The following ATG13 variants were observed in gnomAD, a reference collection of about 807,000 sequenced individuals.
ATG13 encodes the protein autophagy-related protein 13.
A neutral mutation model predicts 65.5 loss-of-function variants in ATG13; 23 were observed. The observed-to-expected ratio is 0.35, with a 90% CI of 0.25 to 0.50. The LOEUF (loss-of-function observed/expected upper bound fraction) is 0.50. Ranked by LOEUF, ATG13 falls within the 20% of genes least tolerant of loss-of-function variation. The pLI is 0.98. For missense variants in ATG13, 566 were observed against 677.0 expected (o/e 0.84, Z 1.82); for synonymous variants, 252 against 245.2 (o/e 1.03, Z -0.26).
At position 46,674,444 on chromosome 11, in the gene ATG13, A is replaced by T. The variant is rs1314812040; in HGVS notation, c.*2112A>T. 1 of 151,466 alleles carries T rather than the reference A, an allele frequency of 6.6e-6. No homozygotes were observed. Among genetic ancestry groups the T allele is most frequent in the Non-Finnish European group, 1.5e-5 (1 of 67,872 alleles). The allele number at this position is 151,466 out of a possible 1,614,324, so 9.4% of individuals were successfully genotyped here. A position where few individuals can be genotyped will look rare whatever the true frequency, so the allele number is the denominator to read the frequency against. ...CCTCCTCCTCCAACCTCTCCAACCTACTTTGTTTGGAAATACCGAGCTACA... is the reference window on the plus strand; with the variant it reads ...CCTCCTCCTCCAACCTCTCCAACCTTCTTTGTTTGGAAATACCGAGCTACA... On this transcript the variant is annotated 3_prime_UTR_variant, in exon 19 of 19. Transcript: ENST00000683050.
intron 1 of ATG13, among the ~76,000 whole-genome samples, chr11:46,626,654 G>A (rs371239835): frequency 6.6e-6 from 1 of 152,164 alleles, no homozygotes; most frequent in South Asian, 2.1e-4. Context: ...AGTAACCTGT[G>A]TTCCCATAGA....
intron 1 of ATG13, among the ~76,000 whole-genome samples, chr11:46,627,298 G>T (rs1182543515): frequency 6.6e-6 from 1 of 152,016 alleles, no homozygotes; most frequent in Non-Finnish European, 1.5e-5. Flanking sequence ...AGAATCACTT[G>T]AACTTGGGAG....
At chr11:46,640,779 A>C (rs940015165) in intron 2 of ATG13, among the ~76,000 whole-genome samples, 2 of 152,256 alleles carry the variant, frequency 1.3e-5, no homozygotes, top group African/African-American at 4.8e-5. Flanking sequence ...ACTACCAGAT[A>C]CTACTATCTT....
At chr11:46,658,247 A>G (rs1353956758) in intron 10 of ATG13, among the ~76,000 whole-genome samples, 1 of 152,222 alleles carries the variant, frequency 6.6e-6, no homozygotes, top group Non-Finnish European at 1.5e-5. Context: ...GGGTTAGACT[A>G]GATGTATATC....
Position 46,659,389 on chromosome 11 carries a change from T to G in ATG13, c.696-3T>G, listed in dbSNP as rs781274293. 5 of 1,609,190 alleles carry G rather than the reference T, an allele frequency of 3.1e-6. No homozygotes were observed. The highest frequency in any genetic ancestry group is 3.4e-6 in the Non-Finnish European group (4 of 1,175,718). On this transcript the variant is annotated splice_polypyrimidine_tract_variant and splice_region_variant and intron_variant, in intron 10 of 18. Transcript: ENST00000683050. ...ATTCATTATTTCTTTCTTTTCACTT[T>G]AGAACTGCTGGTGAGGACACTGGAG...
At chr11:46,669,631 T>C (rs1024223980) in intron 18 of ATG13, 99 bp downstream of exon 18, 7 of 1,351,692 alleles carry the variant, frequency 5.2e-6, no homozygotes, top group Non-Finnish European at 7.2e-6. Flanking sequence ...TTCCCTGTAA[T>C]AGGAAAGAGA....
intron 8 of ATG13, 134 bp downstream of exon 8, chr11:46,656,407 ATGCAGGTAGGTGGTCC>A: frequency 1.1e-6 from 1 of 949,848 alleles, no homozygotes; most frequent in Non-Finnish European, 1.5e-6. Flanking sequence ...AAAGATGAGA[ATGCAGGTAGGTGGTCC>A]AGGTTACCCC....
intron 2 of ATG13, among the ~76,000 whole-genome samples, chr11:46,637,043 A>G (rs181118747): frequency 5.0e-4 from 76 of 152,262 alleles, no homozygotes; most frequent in Middle Eastern, 3.4e-3. Flanking sequence ...AAAGAATTCT[A>G]CAAACTGCAG....
chr11:46,666,605 T>C (rs1276937492), intron 14 of ATG13, among the ~76,000 whole-genome samples: 1 of 152,238 alleles, frequency 6.6e-6, no homozygotes, highest in Non-Finnish European at 1.5e-5. Context: ...GTTACCTGCT[T>C]ATTTAAAGAC....
At chr11:46,623,111 A>G (rs1168445697) in intron 1 of ATG13, among the ~76,000 whole-genome samples, 1 of 151,294 alleles carries the variant, frequency 6.6e-6, no homozygotes, top group Non-Finnish European at 1.5e-5. Flanking sequence ...ACACGGTGAA[A>G]CCCTGTCTCT....
rs373065063 is a variant in ATG13 at position 46,672,257 on chromosome 11, C to T, written c.1578C>T (p.Asp526=). The stretch of plus-strand genomic sequence containing the variant: ...TCTTCCCTCTCTTTCCGGTACAGGA[C>T]TCATTACCAGAGAAGCTGGCTGTGC... ...IGAQSMAEDL[D]SLPEKLAVHE... Residue 526 remains aspartate (D), a splice_region_variant and synonymous_variant, in exon 19 of 19, where the codon GAC becomes GAT. Transcript: ENST00000683050. 5.6e-6 allele frequency: 9 copies of T among 1,614,236 alleles called. No individual in the cohort carries two copies. The African/African-American group carries it at 6.7e-5, about 12-fold the overall frequency.
chr11:46,625,992 G>T (rs1313707786), intron 1 of ATG13, among the ~76,000 whole-genome samples: 2 of 152,112 alleles, frequency 1.3e-5, no homozygotes, highest in Admixed American at 6.6e-5. Flanking sequence ...GACGGAGTCT[G>T]TCGCCCAGGC....
At chr11:46,664,241 C>A in intron 12 of ATG13, 146 bp downstream of exon 12, 1 of 636,396 alleles carries the variant, frequency 1.6e-6, no homozygotes, top group Non-Finnish European at 2.6e-6. Context: ...TTTAATAGGA[C>A]ACAGCCACGG....
chr11:46,657,180 C>G lies in ATG13; in HGVS notation c.585C>G (p.Phe195Leu). ...GTGCTTACAGAATTAACTTGGCATT[C>G]ATGTCTACCAGGTGAGGAAGAGCCC... ...LSCAYRINLA[F>L]MSTRQFERTP... The change falls in exon 9 of 19, where the codon TTC becomes TTG. Residue 195 changes from phenylalanine (F) to leucine (L), a missense_variant. Physicochemically the swap from Phe to Leu is conservative, Grantham distance 22 (BLOSUM62 0). Around this residue, in one of 2 missense-constraint regions of ATG13, gnomAD observed 179 missense variants for 267.2 expected, o/e 0.67. Transcript: ENST00000683050. 1 of 1,613,336 alleles carries G rather than the reference C, an allele frequency of 6.2e-7. No individual in the cohort carries two copies. Among genetic ancestry groups the G allele is most frequent in the Non-Finnish European group, 8.5e-7 (1 of 1,179,384 alleles).
intron 12 of ATG13, among the ~76,000 whole-genome samples, chr11:46,664,505 G>C (rs993448496): frequency 2.0e-5 from 3 of 152,138 alleles, no homozygotes; most frequent in Admixed American, 1.3e-4. Flanking sequence ...TGGTGACTTC[G>C]GCTACCAGTT....
rs1406909130 is a variant in ATG13 at position 46,644,302 on chromosome 11, A to G, written c.11A>G (p.Asp4Gly). The change falls in exon 3 of 19, where the codon GAT (aspartate) becomes GGT (glycine). Residue 4 changes from aspartate (D) to glycine (G), a missense_variant. Around this residue, in one of 2 missense-constraint regions of ATG13, gnomAD observed 179 missense variants for 267.2 expected, o/e 0.67. Transcript: ENST00000683050. Reference protein sequence around the residue: METDLNSQDRKDLD... With the variant: METGLNSQDRKDLD... ...AGATTCCTATAGGCAATGGAAACTG[A>G]TCTCAATTCCCAGGACAGAAAGGAC... is the stretch of plus-strand genomic sequence containing the variant. 2 of 1,604,026 alleles carry G rather than the reference A, an allele frequency of 1.2e-6. No individual in the cohort carries two copies. The highest frequency in any genetic ancestry group is 2.2e-5 in the East Asian group (1 of 44,726).
intron 2 of ATG13, among the ~76,000 whole-genome samples, chr11:46,639,188 A>G (rs1301656974): frequency 6.6e-6 from 1 of 151,920 alleles, no homozygotes; most frequent in Non-Finnish European, 1.5e-5. Context: ...GGGTTTTACT[A>G]TGTTGGCTGG....
chr11:46,666,102 C>T (rs2062301027), intron 14 of ATG13, among the ~76,000 whole-genome samples: 1 of 152,114 alleles, frequency 6.6e-6, no homozygotes, highest in African/African-American at 2.4e-5. Context: ...CCACCACGCA[C>T]AGCCTCAAAA....
chr11:46,663,997 T>C lies in ATG13; in HGVS notation c.790T>C (p.Cys264Arg). 6.4e-7 allele frequency: 1 copy of C among 1,555,636 alleles called. No individual in the cohort carries two copies. Among genetic ancestry groups the C allele is most frequent in the Non-Finnish European group, 8.7e-7 (1 of 1,146,530 alleles). ...TSFSTSPPSQ[C>R]VFTVTKAHFQ... ...TGTCTCTGTGTGTGTCTGTGCACAG[T>C]GTGTGTTTACTGTCACAAAGGCACA... is the stretch of plus-strand genomic sequence containing the variant. Residue 264 changes from cysteine to arginine, a missense_variant and splice_region_variant, in exon 12 of 19, where the codon TGT becomes CGT. Physicochemically the swap from Cys to Arg is radical, Grantham distance 180 (BLOSUM62 -3). Around this residue, in one of 2 missense-constraint regions of ATG13, gnomAD observed 387 missense variants for 409.8 expected, o/e 0.94. Transcript: ENST00000683050.
Sources: gnomAD v4.1 joint callset for allele counts (sites outside exome capture counted in the v4.1 genomes callset) on GRCh38, gnomAD v4.1.1 for gene constraint, gnomAD v4.1.1 regional missense constraint, MANE v1.5 for transcripts, NCBI Gene and HGNC (gene_info 2026-07-23, HGNC 2026-07-21) for gene names.